HCN2: variants seen among roughly 807,000 people sequenced by gnomAD.
HCN2 encodes the protein potassium/sodium hyperpolarization-activated cyclic nucleotide-gated channel 2.
Under a neutral mutation model 52.3 loss-of-function variants are expected in HCN2, and 20 were observed. The ratio of observed to expected loss-of-function variants is 0.38; its 90% CI spans 0.27 to 0.56. The LOEUF is 0.56. Among genes scored for constraint, HCN2 ranks in the 20% least tolerant of loss-of-function variants. HCN2 has a pLI of 0.71. For synonymous variants in HCN2, 694 were observed against 537.0 expected, an observed-to-expected ratio of 1.29 and a Z score of -4.04; for missense variants, 981 against 1,207.7, an observed-to-expected ratio of 0.81 and a Z score of 2.78.
intron 7 of HCN2, 70 bp downstream of exon 7, chr19:614,086 G>A: frequency 3.2e-6 from 2 of 622,032 alleles, no homozygotes; most frequent in Admixed American, 4.4e-5. Flanking sequence ...GGCATCAGGA[G>A]AGTGGCTTGG....
Position 615,826 on chromosome 19 carries a change from G to C in HCN2, c.2022G>C (p.Val674=). 1.2e-6 allele frequency: 2 copies of C among 1,612,464 alleles called. No individual in the cohort carries two copies. Among genetic ancestry groups the C allele is most frequent in the Non-Finnish European group, 1.7e-6 (2 of 1,179,716 alleles). The part of the protein sequence containing the change: ...GKKNSILLHK[V]QHDLNSGVFN... ...AGAATTCCATCCTCCTGCACAAGGT[G>C]CAGCATGACCTCAACTCGGGCGTAT... The change falls in exon 8 of 8, where the codon GTG becomes GTC. Residue 674 remains valine, a synonymous_variant. Coordinates refer to ENST00000251287, the MANE Select transcript of HCN2 (RefSeq NM_001194.4).
At position 603,979 on chromosome 19, in the gene HCN2, CG is replaced by C. The variant is rs745549980; in HGVS notation, c.1056+17del. 5.0e-5 allele frequency: 17 copies of C among 340,452 alleles called. No individual in the cohort carries two copies. Among genetic ancestry groups the C allele is most frequent in the African/African-American group, 3.2e-4 (10 of 30,944 alleles). 21.1% of individuals were successfully genotyped at this position (340,452 alleles called of 1,614,324 possible). A position where few individuals can be genotyped will look rare whatever the true frequency, so the allele number is the denominator to read the frequency against. On this transcript the variant is annotated intron_variant, in intron 2 of 7. Coordinates refer to ENST00000251287, the MANE Select transcript of HCN2 (RefSeq NM_001194.4). ...ATCAGTGGGAGGAGGTGAGGTGGGG[CG>C]GGGGCGGGGCCAAGGCAGCAGGGGC...
Position 613,845 on chromosome 19 carries a change from C to T in HCN2, c.1826-7C>T, listed in dbSNP as rs751509833. 4 of 1,555,730 alleles carry T rather than the reference C, an allele frequency of 2.6e-6. No homozygotes were observed. Among genetic ancestry groups the T allele is most frequent in the South Asian group, 2.4e-5 (2 of 84,724 alleles). ...TCCAGCAACCCCCCCCTGCGCGCCA[C>T]GTGCAGAGATCTGCCTGCTCACCCG... is the stretch of plus-strand genomic sequence containing the variant. On this transcript the variant is annotated splice_region_variant and splice_polypyrimidine_tract_variant and intron_variant, in intron 6 of 7. Transcript: ENST00000251287.
rs370635380 is a variant in HCN2, at chr19:613,833, C to A, written c.1826-19C>A. The A allele has an allele frequency of 2.6e-4, 392 of 1,531,012 alleles. 6 individuals are homozygous for A. In the South Asian group the frequency reaches 4.1e-3, roughly 16 times the overall value. The allele number at this position is 1,531,012 out of a possible 1,614,324, so 94.8% of individuals were successfully genotyped here. On this transcript the variant is annotated intron_variant, in intron 6 of 7. Transcript: ENST00000251287. ...GCGCCCGCCTCGTCCAGCAACCCCC[C>A]CCTGCGCGCCACGTGCAGAGATCTG...
chr19:609,804 G>A (rs1389401409), intron 4 of HCN2, among the ~76,000 whole-genome samples: 4 of 152,226 alleles, frequency 2.6e-5, no homozygotes, highest in African/African-American at 7.2e-5. Context: ...AGGAGGCTGA[G>A]GTGGGAGGAT....
Position 616,402 on chromosome 19 carries a change from G to A in HCN2, c.2598G>A (p.Ser866=), listed in dbSNP as rs1009211475. The change falls in exon 8 of 8, where the codon TCG becomes TCA. Residue 866 remains serine, a synonymous_variant. Coordinates refer to ENST00000251287, the MANE Select transcript of HCN2 (RefSeq NM_001194.4). ...AAAPSPDRRD[S]ASPGAAGGLD... is the part of the protein sequence containing the mutation. ...CGCCCAGCCCGGACCGCAGGGACTC[G>A]GCCTCACCCGGCGCCGCCGGCGGCC... The A allele has an allele frequency of 3.2e-6, 4 of 1,232,896 alleles. No homozygotes were observed. The highest frequency in any genetic ancestry group is 4.1e-6 in the Non-Finnish European group (4 of 984,842). The allele number at this position is 1,232,896 out of a possible 1,614,324, so 76.4% of individuals were successfully genotyped here.
At chr19:601,244 C>T (rs1405945638) in intron 1 of HCN2, among the ~76,000 whole-genome samples, 3 of 152,066 alleles carry the variant, frequency 2.0e-5, no homozygotes, top group African/African-American at 7.3e-5. Context: ...ACTTGGGAGG[C>T]GGAGGTGGCA....
intron 1 of HCN2, among the ~76,000 whole-genome samples, chr19:595,381 G>A (rs1222787848): frequency 1.3e-5 from 2 of 151,242 alleles, no homozygotes; most frequent in East Asian, 3.9e-4. Context: ...CCGGCTGTCA[G>A]CATGGGCCTC....
At position 592,022 on chromosome 19, in the gene HCN2, C is replaced by T. The variant is rs946738468; in HGVS notation, c.632+1445C>T. The stretch of plus-strand genomic sequence containing the variant: ...CCGAAATCCCCAGAGGGGCTGTGTC[C>T]GGCCCCTCCCACCCTGCCTCTGTGC... On this transcript the variant is annotated intron_variant, in intron 1 of 7. Coordinates refer to ENST00000251287, the MANE Select transcript of HCN2 (RefSeq NM_001194.4). The surrounding 1 kb of genome is among the most constrained non-coding windows in gnomAD (Gnocchi z 4.8). 2.6e-5 allele frequency among the ~76,000 whole-genome samples: 4 copies of T among 152,182 alleles called. No individual in the cohort carries two copies. Among genetic ancestry groups the T allele is most frequent in the African/African-American group, 4.8e-5 (2 of 41,452 alleles).
At chr19:598,315 T>C (rs2144509250) in intron 1 of HCN2, among the ~76,000 whole-genome samples, 1 of 151,972 alleles carries the variant, frequency 6.6e-6, no homozygotes, top group African/African-American at 2.4e-5. Context: ...AGTCAGCCTT[T>C]TTTTTTTTTG....
rs928735200 is a variant in HCN2, at chr19:617,050, G to C, written c.*576G>C. The stretch of plus-strand genomic sequence containing the variant: ...GGGGGGAGGCTGGGGTCCCGCCGCC[G>C]TGATGAATGTACTGACGAGCCGAGG... On this transcript the variant is annotated 3_prime_UTR_variant, in exon 8 of 8. Coordinates refer to ENST00000251287, the MANE Select transcript of HCN2 (RefSeq NM_001194.4). 1.6e-4 allele frequency: 88 copies of C among 555,720 alleles called. No homozygotes were observed. The highest frequency in any genetic ancestry group is 1.5e-3 in the South Asian group (74 of 50,434). The allele number at this position is 555,720 out of a possible 1,614,324, so 34.4% of individuals were successfully genotyped here. A position where few individuals can be genotyped will look rare whatever the true frequency, so the allele number is the denominator to read the frequency against.
Position 616,486 on chromosome 19 carries a change from C to A in HCN2, c.*12C>A. On this transcript the variant is annotated 3_prime_UTR_variant, in exon 8 of 8. Transcript: ENST00000251287. ...CGTCCAACTTGTGACCCTCGCCGAC[C>A]GCCCCGCGGGCCCAGGCGGGCCGGG... 1 of 1,216,774 alleles carries A rather than the reference C, an allele frequency of 8.2e-7. No individual in the cohort carries two copies. The highest frequency in any genetic ancestry group is 1.0e-6 in the Non-Finnish European group (1 of 975,730). The allele number at this position is 1,216,774 out of a possible 1,614,324, so 75.4% of individuals were successfully genotyped here. A position where few individuals can be genotyped will look rare whatever the true frequency, so the allele number is the denominator to read the frequency against.
Position 591,645 on chromosome 19 carries a change from G to T in HCN2, c.632+1068G>T, listed in dbSNP as rs547727863. ...AGGTGGGGCCCGCCGGGCTAGCGAGGCCGGGCGCGCGGGACGGGCGCGGTT... is the reference window on the plus strand; with the variant it reads ...AGGTGGGGCCCGCCGGGCTAGCGAGTCCGGGCGCGCGGGACGGGCGCGGTT... On this transcript the variant is annotated intron_variant, in intron 1 of 7. Coordinates refer to ENST00000251287, the MANE Select transcript of HCN2 (RefSeq NM_001194.4). The surrounding 1 kb of genome is among the most constrained non-coding windows in gnomAD (Gnocchi z 4.1). 1.3e-3 allele frequency among the ~76,000 whole-genome samples: 196 copies of T among 152,138 alleles called. No homozygotes were observed. The highest frequency in any genetic ancestry group is 4.4e-3 in the African/African-American group (184 of 41,504).
chr19:595,418 T>C (rs1407195048), intron 1 of HCN2, among the ~76,000 whole-genome samples: 1 of 152,042 alleles, frequency 6.6e-6, no homozygotes, highest in Admixed American at 6.5e-5. Context: ...TCTTTCCCTG[T>C]CACCTCTACC....
chr19:610,243 C>T lies in HCN2; in HGVS notation c.1438-16C>T, dbSNP rs34104611. 497 of 1,609,246 alleles carry T rather than the reference C, an allele frequency of 3.1e-4. 2 individuals are homozygous for T. Among genetic ancestry groups the T allele is most frequent in the Non-Finnish European group, 3.6e-4 (421 of 1,178,448 alleles). Reference sequence around the variant, plus strand: ...CCGGGGGCGGTGTCTGACCCAGCCTCGCCTCCTCCCCACAGTACAAGCAGG... The same window carrying T: ...CCGGGGGCGGTGTCTGACCCAGCCTTGCCTCCTCCCCACAGTACAAGCAGG... On this transcript the variant is annotated splice_polypyrimidine_tract_variant and intron_variant, in intron 4 of 7. Coordinates refer to ENST00000251287, the MANE Select transcript of HCN2 (RefSeq NM_001194.4).
At chr19:608,577 T>C (rs1332704704) in intron 4 of HCN2, among the ~76,000 whole-genome samples, 1 of 125,758 alleles carries the variant, frequency 8.0e-6, no homozygotes, top group African/African-American at 3.1e-5. Flanking sequence ...AGCCTGGAGA[T>C]GGACGTGGGG....
intron 1 of HCN2, 93 bp from the exon 2 acceptor site, chr19:603,451 C>G: frequency 1.1e-6 from 1 of 930,704 alleles, no homozygotes; most frequent in South Asian, 1.7e-5. Flanking sequence ...GAGGTGTGGG[C>G]GCCCCTCGTC....
In HCN2 at chr19:608,027, A is replaced by G; in HGVS notation, c.1282A>G (p.Ile428Val). 1 of 1,613,140 alleles carries G rather than the reference A, an allele frequency of 6.2e-7. No individual in the cohort carries two copies. ...CAAGGCCATGAGCCACATGCTGTGC[A>G]TCGGGTACGGCCGGCAGGCGCCCGA... ...LFKAMSHMLC[I>V]GYGRQAPESM... Residue 428 changes from isoleucine (I) to valine (V), a missense_variant, in exon 4 of 8, where the codon ATC becomes GTC. By Grantham distance (29) the Ile-to-Val change is conservative. Transcript: ENST00000251287.
Position 615,327 on chromosome 19 carries a change from G to A in HCN2, c.1991-468G>A, listed in dbSNP as rs552810802. 7.9e-5 allele frequency among the ~76,000 whole-genome samples: 12 copies of A among 151,892 alleles called. No homozygotes were observed. The South Asian group carries it at 2.5e-3, about 31-fold the overall frequency. On this transcript the variant is annotated intron_variant, in intron 7 of 7. Coordinates refer to ENST00000251287, the MANE Select transcript of HCN2 (RefSeq NM_001194.4). ...GATTGAGACCATCCTGGCTAACATG[G>A]TGAAACCCCGTCTCTACTAAAAAAA...
Sources: gnomAD v4.1 joint callset for allele counts (sites outside exome capture counted in the v4.1 genomes callset) on GRCh38, gnomAD v4.1.1 for gene constraint, Gnocchi (gnomAD v3.1) non-coding constraint, MANE v1.5 for transcripts, NCBI Gene and HGNC (gene_info 2026-07-23, HGNC 2026-07-21) for gene names.